DPY19L1: variants seen among roughly 807,000 people sequenced by gnomAD.
The protein encoded by DPY19L1 is protein C-mannosyl-transferase DPY19L1.
Under a neutral mutation model 96.9 loss-of-function variants are expected in DPY19L1, and 35 were observed. That is an observed-to-expected ratio of 0.36 (90% CI 0.28 to 0.48). DPY19L1 has a LOEUF of 0.48. Among genes scored for constraint, DPY19L1 ranks in the 20% least tolerant of loss-of-function variants. DPY19L1 has a pLI of 0.99. For missense variants in DPY19L1, 521 were observed against 777.9 expected (o/e 0.67, Z 3.93); for synonymous variants, 205 against 252.6 (o/e 0.81, Z 1.79).
intron 6 of DPY19L1, among the ~76,000 whole-genome samples, chr7:34,995,695 CAG>C (rs1453809157): frequency 6.6e-6 from 1 of 152,110 alleles, no homozygotes; most frequent in African/African-American, 2.4e-5. Context: ...AAAAAGCCAT[CAG>C]AGTTAATTCA....
chr7:35,008,366 C>T (rs1785615489), intron 6 of DPY19L1, among the ~76,000 whole-genome samples: 2 of 152,202 alleles, frequency 1.3e-5, no homozygotes, highest in Admixed American at 1.3e-4. Context: ...CCAGGCACCA[C>T]AGGGTTAGGT....
Position 35,017,876 on chromosome 7 carries a change from A to G in DPY19L1, c.411+6T>C, listed in dbSNP as rs1434636673. 1.3e-6 allele frequency: 2 copies of G among 1,578,866 alleles called. No homozygotes were observed. Among genetic ancestry groups the G allele is most frequent in the East Asian group, 2.3e-5 (1 of 44,380 alleles). Reference sequence around the variant, plus strand: ...TACTATGATGAAATCCCAAATAAAAACTAACCATTTCAGTGCGAAAAGCCA... The same window carrying G: ...TACTATGATGAAATCCCAAATAAAAGCTAACCATTTCAGTGCGAAAAGCCA... On this transcript the variant is annotated splice_donor_region_variant and intron_variant, in intron 3 of 21. Coordinates refer to ENST00000638088, the MANE Select transcript of DPY19L1 (RefSeq NM_001366673.1).
chr7:34,939,120 G>A (rs756665703), intron 20 of DPY19L1, 156 bp downstream of exon 20: 65 of 620,810 alleles, frequency 1.0e-4, no homozygotes, highest in Non-Finnish European at 1.6e-4. Flanking sequence ...TTTGTTTAGA[G>A]CTTAGCGGTC....
intron 1 of DPY19L1, among the ~76,000 whole-genome samples, chr7:35,019,385 T>C (rs2128680440): frequency 6.6e-6 from 1 of 152,276 alleles, no homozygotes; most frequent in East Asian, 1.9e-4. Flanking sequence ...GCTGCAGCAG[T>C]GTGCTATGAC....
rs1240613932 is a variant in DPY19L1 at position 35,017,533 on chromosome 7, A to C, written c.411+349T>G. On this transcript the variant is annotated intron_variant, in intron 3 of 21. Transcript: ENST00000638088. ...AAAAAAAAAAAAAAATTAGCCGGGC[A>C]TGGTGGCAGGCACCTGTAGTCCCAG... 4.4e-5 allele frequency among the ~76,000 whole-genome samples: 5 copies of C among 112,990 alleles called. No individual in the cohort carries two copies. In the East Asian group the frequency reaches 1.2e-3, roughly 27 times the overall value. The allele number at this position is 112,990 out of a possible 152,430, so 74.1% of individuals were successfully genotyped here.
intron 17 of DPY19L1, among the ~76,000 whole-genome samples, 197 bp from the exon 18 acceptor site, chr7:34,942,081 T>C (rs1784032461): frequency 6.6e-6 from 1 of 152,238 alleles, no homozygotes; most frequent in Non-Finnish European, 1.5e-5. Context: ...TATAAAGTCA[T>C]TAAGGCAAGT....
intron 6 of DPY19L1, among the ~76,000 whole-genome samples, chr7:34,998,514 CA>C (rs1173747144): frequency 2.6e-5 from 4 of 152,102 alleles, no homozygotes; most frequent in Non-Finnish European, 5.9e-5. Context: ...TGCATATGAC[CA>C]GGGGTGAGGG....
Position 35,018,476 on chromosome 7 carries a change from A to G in DPY19L1, c.323+96T>C, listed in dbSNP as rs1213202616. 4 of 1,123,772 alleles carry G rather than the reference A, an allele frequency of 3.6e-6. No homozygotes were observed. The Admixed American group carries it at 6.2e-5, about 17-fold the overall frequency. The allele number at this position is 1,123,772 out of a possible 1,614,324, so 69.6% of individuals were successfully genotyped here. A position where few individuals can be genotyped will look rare whatever the true frequency, so the allele number is the denominator to read the frequency against. On this transcript the variant is annotated intron_variant, in intron 2 of 21. Coordinates refer to ENST00000638088, the MANE Select transcript of DPY19L1 (RefSeq NM_001366673.1). ...TTACATGTAATATATATTCATACTG[A>G]TCATGCTGAAATTATTCCTTTAAAT...
intron 7 of DPY19L1, among the ~76,000 whole-genome samples, chr7:34,976,934 C>T (rs971821056): frequency 1.3e-5 from 2 of 150,086 alleles, no homozygotes; most frequent in Non-Finnish European, 3.0e-5. Flanking sequence ...CAGGCACCCA[C>T]TACCACACCC....
intron 10 of DPY19L1, among the ~76,000 whole-genome samples, chr7:34,961,441 C>T (rs1784499440): frequency 6.6e-6 from 1 of 152,100 alleles, no homozygotes; most frequent in Admixed American, 6.5e-5. Context: ...TAGAGATCCA[C>T]ATACAAAAAA....
At chr7:34,953,731 TACA>T (rs1562804475) in intron 13 of DPY19L1, among the ~76,000 whole-genome samples, 1 of 152,094 alleles carries the variant, frequency 6.6e-6, no homozygotes, top group African/African-American at 2.4e-5. Flanking sequence ...AATGAATAAA[TACA>T]TTTTCAACTA....
intron 9 of DPY19L1, among the ~76,000 whole-genome samples, chr7:34,967,773 CTT>C (rs2128667330): frequency 6.6e-6 from 1 of 152,250 alleles, no homozygotes; most frequent in Non-Finnish European, 1.5e-5. Flanking sequence ...AAACATATAA[CTT>C]AAGTTTCATT....
intron 2 of DPY19L1, 118 bp from the exon 3 acceptor site, chr7:35,018,087 A>G: frequency 1.6e-6 from 1 of 616,318 alleles, no homozygotes; most frequent in South Asian, 3.0e-5. Context: ...TTGTAATAAC[A>G]CTCAAATACA....
chr7:35,032,394 T>C (rs998319475), intron 1 of DPY19L1, among the ~76,000 whole-genome samples: 5 of 152,170 alleles, frequency 3.3e-5, no homozygotes, highest in Non-Finnish European at 1.5e-5. Flanking sequence ...GTAATCATAG[T>C]GTCATGGTGA....
At chr7:34,971,185 AAAG>A (rs1468901496) in intron 8 of DPY19L1, among the ~76,000 whole-genome samples, 1 of 152,140 alleles carries the variant, frequency 6.6e-6, no homozygotes, top group African/African-American at 2.4e-5. Flanking sequence ...CTGCTCTTCC[AAAG>A]GAGACAATGT....
chr7:34,989,193 A>G (rs551375957), intron 7 of DPY19L1, among the ~76,000 whole-genome samples: 6 of 152,342 alleles, frequency 3.9e-5, no homozygotes, highest in Admixed American at 6.5e-5. Context: ...TTAATACATT[A>G]AAATAAGAAT....
intron 8 of DPY19L1, among the ~76,000 whole-genome samples, chr7:34,970,329 A>G (rs1458415700): frequency 6.6e-6 from 1 of 152,178 alleles, no homozygotes; most frequent in African/African-American, 2.4e-5. Context: ...CCCTTCTCCA[A>G]AGGACATCCC....
chr7:34,980,436 T>A (rs2128670128), intron 7 of DPY19L1, among the ~76,000 whole-genome samples: 1 of 151,994 alleles, frequency 6.6e-6, no homozygotes, highest in African/African-American at 2.4e-5. Flanking sequence ...TCATGAAAAT[T>A]AAGAACTTCA....
At chr7:34,981,986 C>A (rs1401046467) in intron 7 of DPY19L1, among the ~76,000 whole-genome samples, 2 of 152,038 alleles carry the variant, frequency 1.3e-5, no homozygotes, top group Admixed American at 6.6e-5. Context: ...GTCTTCTAAT[C>A]TGAATCTATT....
Sources: gnomAD v4.1 joint callset for allele counts (sites outside exome capture counted in the v4.1 genomes callset) on GRCh38, gnomAD v4.1.1 for gene constraint, MANE v1.5 for transcripts, NCBI Gene and HGNC (gene_info 2026-07-23, HGNC 2026-07-21) for gene names.